BNIP5: variants seen among roughly 807,000 people sequenced by gnomAD.
BNIP5 encodes the protein BCL2 interacting protein 5.
In BNIP5, 61 loss-of-function variants were observed where a neutral mutation model predicts 67.3. The ratio of observed to expected loss-of-function variants is 0.91; its 90% CI spans 0.74 to 1.12. BNIP5 has a LOEUF of 1.12. Among genes scored for constraint, BNIP5 ranks in the 50% most tolerant of loss-of-function variants. BNIP5 has a pLI of 0.00. For missense variants in BNIP5, 826 were observed against 816.3 expected (o/e 1.01, Z -0.14); for synonymous variants, 317 against 319.0 (o/e 0.99, Z 0.07).
chr6:36,332,254 A>G (rs1294717682), intron 1 of BNIP5, among the ~76,000 whole-genome samples: 1 of 151,900 alleles, frequency 6.6e-6, no homozygotes, highest in Non-Finnish European at 1.5e-5. Flanking sequence ...TTCTTCCCTC[A>G]TGGAAAGAAT....
rs1370294099 is a variant in BNIP5, at chr6:36,330,394, C to T, written c.297G>A (p.Trp99Ter). 1.9e-6 allele frequency: 3 copies of T among 1,614,192 alleles called. No individual in the cohort carries two copies. Among genetic ancestry groups the T allele is most frequent in the Admixed American group, 3.3e-5 (2 of 60,030 alleles). Reference sequence around the variant, plus strand: ...CGAAGAAGTTCAGCATGGTCTTCAGCCACCCCTTCTTGGTGTCTTGCGAAG... The same window carrying T: ...CGAAGAAGTTCAGCATGGTCTTCAGTCACCCCTTCTTGGTGTCTTGCGAAG... The part of the protein sequence containing the change: ...QRPSQDTKKG[W>*]LKTMLNFFVR... Residue 99 changes from tryptophan to a stop codon, truncating the protein, a stop_gained, in exon 2 of 12, where the codon TGG becomes TGA. Transcript: ENST00000437635. LOFTEE classifies it high-confidence loss of function.
intron 8 of BNIP5, among the ~76,000 whole-genome samples, chr6:36,322,850 G>C (rs1244146014): frequency 6.6e-6 from 1 of 152,222 alleles, no homozygotes; most frequent in Non-Finnish European, 1.5e-5. Context: ...CTAGCAGGTA[G>C]TAGGCACTCT....
Position 36,330,563 on chromosome 6 carries a change from G to C in BNIP5, c.128C>G (p.Pro43Arg), listed in dbSNP as rs374204931. 10 of 1,613,650 alleles carry C rather than the reference G, an allele frequency of 6.2e-6. No homozygotes were observed. The highest frequency in any genetic ancestry group is 5.0e-5 in the Admixed American group (3 of 60,010). ...DCHWLSLPTA[P>R]SRKALHWTTS... ...CGTCCAGTGAAGCGCCTTCCTGGAG[G>C]GGGCAGTGGGCAGGGAGAGCCAATG... The change falls in exon 2 of 12, where the codon CCC becomes CGC. Residue 43 changes from proline (P) to arginine (R), a missense_variant. Coordinates refer to ENST00000437635, the MANE Select transcript of BNIP5 (RefSeq NM_001010903.5).
At chr6:36,332,699 GACA>G (rs1771933800) in intron 1 of BNIP5, among the ~76,000 whole-genome samples, 1 of 149,128 alleles carries the variant, frequency 6.7e-6, no homozygotes, top group African/African-American at 2.5e-5. Flanking sequence ...AATGAAAAAT[GACA>G]AAAAAAAAAC....
At chr6:36,323,608 G>A (rs1771687073) in intron 7 of BNIP5, 75 bp from the exon 8 acceptor site, 4 of 1,547,616 alleles carry the variant, frequency 2.6e-6, no homozygotes, top group Non-Finnish European at 2.7e-6. Flanking sequence ...GGGAAAGAGA[G>A]CCACGGTGGG....
At chr6:36,330,840 T>G (rs996001691) in intron 1 of BNIP5, 146 bp from the exon 2 acceptor site, 1 of 1,087,462 alleles carries the variant, frequency 9.2e-7, no homozygotes, top group Non-Finnish European at 1.3e-6. Context: ...CTCAGCTCAC[T>G]GCAACCTCTA....
At position 36,330,529 on chromosome 6, in the gene BNIP5, A is replaced by G. The variant is rs1303872370; in HGVS notation, c.162T>C (p.Asp54=). The change falls in exon 2 of 12, where the codon GAT becomes GAC. Residue 54 remains aspartate, a synonymous_variant. Transcript: ENST00000437635. The part of the protein sequence containing the change: ...SRKALHWTTS[D]WARHSDSPAP... ...CTGGGCTGTCTGAATGTCTGGCCCA[A>G]TCACTGGTCGTCCAGTGAAGCGCCT... The G allele has an allele frequency of 5.6e-6, 9 of 1,613,882 alleles. No homozygotes were observed. The highest frequency in any genetic ancestry group is 7.6e-6 in the Non-Finnish European group (9 of 1,180,024).
At chr6:36,324,015 A>C (rs1771697117) in intron 7 of BNIP5, 114 bp downstream of exon 7, 1 of 779,188 alleles carries the variant, frequency 1.3e-6, no homozygotes, top group East Asian at 2.5e-5. Context: ...AAAAAAAAAA[A>C]GGAGGGACTG....
chr6:36,322,178 A>T, intron 9 of BNIP5, 133 bp downstream of exon 9: 1 of 1,152,756 alleles, frequency 8.7e-7, no homozygotes, highest in Non-Finnish European at 1.3e-6. Context: ...GCCCCATCCT[A>T]GAGTCTCCTG....
Position 36,324,094 on chromosome 6 carries a change from T to C in BNIP5, c.1230+35A>G, listed in dbSNP as rs375904966. On this transcript the variant is annotated intron_variant, in intron 7 of 11. Coordinates refer to ENST00000437635, the MANE Select transcript of BNIP5 (RefSeq NM_001010903.5). ...CCAGGCAGGGTTGGGGAGCCCACAG[T>C]GAGGTCAGGGTTACATGGGGAGCGT... 2.9e-4 allele frequency: 458 copies of C among 1,561,382 alleles called. 2 individuals are homozygous for C. The African/African-American group carries it at 4.0e-3, about 14-fold the overall frequency.
At chr6:36,336,671 A>G (rs1261258041) in intron 1 of BNIP5, 41 bp downstream of exon 1, 1 of 152,152 alleles carries the variant, frequency 6.6e-6, no homozygotes, top group Non-Finnish European at 1.5e-5. Context: ...ATACATACCC[A>G]CTGCTCCCGC....
chr6:36,329,715 G>A (rs1333464731), intron 2 of BNIP5, among the ~76,000 whole-genome samples: 1 of 152,160 alleles, frequency 6.6e-6, no homozygotes, highest in Non-Finnish European at 1.5e-5. Flanking sequence ...GGAAGGCTGA[G>A]GCAGGAGAAT....
At chr6:36,331,993 G>A (rs564910649) in intron 1 of BNIP5, among the ~76,000 whole-genome samples, 20 of 152,130 alleles carry the variant, frequency 1.3e-4, no homozygotes, top group Admixed American at 3.9e-4. Flanking sequence ...CTCTCCTCTT[G>A]CCCTCCTTAC....
chr6:36,333,484 A>C (rs1356228838), intron 1 of BNIP5, among the ~76,000 whole-genome samples: 3 of 152,238 alleles, frequency 2.0e-5, no homozygotes, highest in African/African-American at 7.2e-5. Flanking sequence ...TAGGACAAGG[A>C]GAAGAGATCA....
chr6:36,321,369 G>C, intron 9 of BNIP5, 150 bp from the exon 10 acceptor site: 1 of 641,920 alleles, frequency 1.6e-6, no homozygotes. Flanking sequence ...GATGGACCCA[G>C]ACAATTCTTA....
At chr6:36,332,173 GC>G (rs1341800064) in intron 1 of BNIP5, among the ~76,000 whole-genome samples, 2 of 152,164 alleles carry the variant, frequency 1.3e-5, no homozygotes, top group African/African-American at 4.8e-5. Context: ...CACGCACACA[GC>G]CCTGCTTGCT....
chr6:36,335,894 G>A (rs949255742), intron 1 of BNIP5, among the ~76,000 whole-genome samples: 3 of 152,162 alleles, frequency 2.0e-5, no homozygotes, highest in Non-Finnish European at 2.9e-5. Context: ...ACACATGCAC[G>A]CACTTACACA....
chr6:36,326,852 C>G (rs369578078), intron 4 of BNIP5, 99 bp from the exon 5 acceptor site: 10 of 1,550,002 alleles, frequency 6.5e-6, no homozygotes, highest in African/African-American at 2.7e-5. Flanking sequence ...AAGATGGCCC[C>G]GAGAGAGGGG....
chr6:36,324,335 T>C (rs1771706625), intron 6 of BNIP5, 145 bp from the exon 7 acceptor site: 2 of 706,840 alleles, frequency 2.8e-6, no homozygotes, highest in Non-Finnish European at 5.1e-6. Flanking sequence ...AGGGCAGAGC[T>C]GGTTTCATGG....
Sources: gnomAD v4.1 joint callset for allele counts (sites outside exome capture counted in the v4.1 genomes callset) on GRCh38, gnomAD v4.1.1 for gene constraint, MANE v1.5 for transcripts, NCBI Gene and HGNC (gene_info 2026-07-23, HGNC 2026-07-21) for gene names.